Variants in ZFC3H1 observed in about 807,000 individuals in gnomAD.
ZFC3H1 encodes the protein zinc finger C3H1 domain-containing protein.
In ZFC3H1, 71 loss-of-function variants were observed where a neutral mutation model predicts 243.7. That is an observed-to-expected ratio of 0.29 (90% CI 0.24 to 0.36). The LOEUF is 0.36. Ranked by LOEUF, ZFC3H1 falls within the 10% of genes least tolerant of loss-of-function variation. The pLI is 1.00. For synonymous variants in ZFC3H1, 838 were observed against 813.0 expected (o/e 1.03, Z -0.52); for missense variants, 1,966 against 2,317.1 (o/e 0.85, Z 3.11).
At position 71,624,253 on chromosome 12, in the gene ZFC3H1, C is replaced by A. The variant is rs925670421; in HGVS notation, c.4357G>T (p.Val1453Leu). The A allele has an allele frequency of 6.2e-7, 1 of 1,613,238 alleles. No homozygotes were observed. The highest frequency in any genetic ancestry group is 8.5e-7 in the Non-Finnish European group (1 of 1,179,510). ...LESTFEEKDY[V>L]CERMLEFLMG... is the part of the protein sequence containing the mutation. ...AGAAACTCCAACATTCTCTCACATA[C>A]GTAATCCTTTTCTTCAAAGGTACTT... The change falls in exon 23 of 35, where the codon GTA becomes TTA. Residue 1453 changes from valine (V) to leucine (L), a missense_variant. This residue lies in a region of ZFC3H1 where 1,383 missense variants were observed against 1,723.7 expected (regional missense o/e 0.80). Coordinates refer to ENST00000378743, the MANE Select transcript of ZFC3H1 (RefSeq NM_144982.5).
At position 71,663,441 on chromosome 12, in the gene ZFC3H1, G is replaced by A. The variant is rs951435978; in HGVS notation, c.170C>T (p.Pro57Leu). The A allele has an allele frequency of 1.2e-6, 2 of 1,611,976 alleles. No homozygotes were observed. Among genetic ancestry groups the A allele is most frequent in the Admixed American group, 1.7e-5 (1 of 60,010 alleles). ...GGLLPYPRRR[P>L]PHSARGGGSG... is the part of the protein sequence containing the mutation. ...TCCACCGCCCCGGGCCGAGTGAGGA[G>A]GCCTTCGCCGCGGATAGGGTAACAG... Residue 57 changes from proline (P) to leucine (L), a missense_variant, in exon 1 of 35, where the codon CCT becomes CTT. Pro to Leu is a moderately conservative substitution (Grantham distance 98). Around this residue, in one of 4 missense-constraint regions of ZFC3H1, gnomAD observed 484 missense variants for 449.7 expected, o/e 1.08. Transcript: ENST00000378743.
In ZFC3H1 at chr12:71,630,623, T is replaced by C. The variant is rs201223009; in HGVS notation, c.3701A>G (p.Asn1234Ser). ...SLIGCAETSTNEEITASAEKY... is the reference protein window; with the variant it reads ...SLIGCAETSTSEEITASAEKY... ...ACCTGCTGAAGCAGTAATTTCTTCATTAGTACTTGTCTCTGCACAACCAAT... is the reference window on the plus strand; with the variant it reads ...ACCTGCTGAAGCAGTAATTTCTTCACTAGTACTTGTCTCTGCACAACCAAT... The change falls in exon 18 of 35, where the codon AAT becomes AGT. Residue 1234 changes from asparagine (N) to serine (S), a missense_variant. Physicochemically the swap from Asn to Ser is conservative, Grantham distance 46. Coordinates refer to ENST00000378743, the MANE Select transcript of ZFC3H1 (RefSeq NM_144982.5). 3 of 1,609,234 alleles carry C rather than the reference T, an allele frequency of 1.9e-6. No homozygotes were observed. Among genetic ancestry groups the C allele is most frequent in the South Asian group, 1.1e-5 (1 of 89,470 alleles).
At position 71,620,051 on chromosome 12, in the gene ZFC3H1, G is replaced by T; in HGVS notation, c.4924C>A (p.Leu1642Ile). 1.2e-6 allele frequency: 2 copies of T among 1,613,632 alleles called. No individual in the cohort carries two copies. Among genetic ancestry groups the T allele is most frequent in the Non-Finnish European group, 1.7e-6 (2 of 1,179,942 alleles). The part of the protein sequence containing the change: ...CPINCQLLEA[L>I]VALYLQTNQH... ...TTTGTTTGCAAATATAATGCAACAA[G>T]AGCTTCCAGCAACTGGCAGTTAATA... The change falls in exon 26 of 35, where the codon CTT becomes ATT. Residue 1642 changes from leucine to isoleucine, a missense_variant. By Grantham distance (5) the Leu-to-Ile change is conservative. Around this residue, in one of 4 missense-constraint regions of ZFC3H1, gnomAD observed 1,383 missense variants for 1,723.7 expected, o/e 0.80. Coordinates refer to ENST00000378743, the MANE Select transcript of ZFC3H1 (RefSeq NM_144982.5).
rs565472079 is a variant in ZFC3H1 at position 71,662,274 on chromosome 12, C to T, written c.598+739G>A. Among the ~76,000 whole-genome samples the T allele has an allele frequency of 5.3e-5, 8 of 152,250 alleles. No individual in the cohort carries two copies. The South Asian group carries it at 1.2e-3, about 24-fold the overall frequency. ...TTCTCAACTTACCCGTAATCTCCACCCTCGCATACACATTCCTCCACTCTA... is the reference window on the plus strand; with the variant it reads ...TTCTCAACTTACCCGTAATCTCCACTCTCGCATACACATTCCTCCACTCTA... On this transcript the variant is annotated intron_variant, in intron 1 of 34. Coordinates refer to ENST00000378743, the MANE Select transcript of ZFC3H1 (RefSeq NM_144982.5).
intron 2 of ZFC3H1, among the ~76,000 whole-genome samples, chr12:71,655,327 T>C (rs1880989799): frequency 6.6e-6 from 1 of 151,914 alleles, no homozygotes; most frequent in Non-Finnish European, 1.5e-5. Context: ...AAAATAAAAA[T>C]TAGAAAATAT....
chr12:71,663,222 C>T lies in ZFC3H1; in HGVS notation c.389G>A (p.Arg130Gln). ...PSSSLSESSP[R>Q]PSFWERSHLA... is the part of the protein sequence containing the mutation. ...GTGGCTCCGCTCCCAGAAAGACGGC[C>T]GGGGACTGCTTTCGGACAGTGAGCT... The change falls in exon 1 of 35, where the codon CGG becomes CAG. Residue 130 changes from arginine (R) to glutamine (Q), a missense_variant. Arg to Gln is a conservative substitution (Grantham distance 43). Coordinates refer to ENST00000378743, the MANE Select transcript of ZFC3H1 (RefSeq NM_144982.5). The T allele has an allele frequency of 6.2e-7, 1 of 1,614,010 alleles. No homozygotes were observed. The highest frequency in any genetic ancestry group is 8.5e-7 in the Non-Finnish European group (1 of 1,180,040).
chr12:71,634,426 C>T, intron 11 of ZFC3H1, 122 bp from the exon 12 acceptor site: 2 of 1,221,184 alleles, frequency 1.6e-6, no homozygotes, highest in Admixed American at 2.8e-5. Context: ...AAGATGATGA[C>T]CAATATGCAA....
rs750373838 is a variant in ZFC3H1 at position 71,663,497 on chromosome 12, A to T, written c.114T>A (p.Ser38Arg). 3.7e-6 allele frequency: 6 copies of T among 1,612,910 alleles called. No homozygotes were observed. The highest frequency in any genetic ancestry group is 5.1e-6 in the Non-Finnish European group (6 of 1,179,944). Residue 38 changes from serine to arginine, a missense_variant, in exon 1 of 35, where the codon AGT becomes AGA. Coordinates refer to ENST00000378743, the MANE Select transcript of ZFC3H1 (RefSeq NM_144982.5). ...CGCCGCTGCTGCTGCTGCTGCTCCGACTCCGTATCTGGCTGTTATTATCGT... is the reference window on the plus strand; with the variant it reads ...CGCCGCTGCTGCTGCTGCTGCTCCGTCTCCGTATCTGGCTGTTATTATCGT... ...SDDDNNSQIR[S>R]RSSSSSSGGG... is the part of the protein sequence containing the mutation.
chr12:71,629,591 A>ACACACACACT lies in ZFC3H1; in HGVS notation c.3826+17_3826+18insAGTGTGTGTG. ...CACACACACACACACACACACACAC[A>ACACACACACT]CTTATATATGTACTTACTATGACCT... On this transcript the variant is annotated intron_variant, in intron 19 of 34. Coordinates refer to ENST00000378743, the MANE Select transcript of ZFC3H1 (RefSeq NM_144982.5). 1 of 1,481,522 alleles carries ACACACACACT rather than the reference A, an allele frequency of 6.7e-7. No homozygotes were observed. The allele number at this position is 1,481,522 out of a possible 1,614,324, so 91.8% of individuals were successfully genotyped here.
chr12:71,661,602 C>T (rs1881179161), intron 1 of ZFC3H1, among the ~76,000 whole-genome samples: 1 of 151,644 alleles, frequency 6.6e-6, no homozygotes, highest in South Asian at 2.1e-4. Flanking sequence ...CTGCCTCAGC[C>T]TCCCGGGTAG....
chr12:71,642,234 A>ATT (rs1880618421), intron 6 of ZFC3H1, among the ~76,000 whole-genome samples: 5 of 152,356 alleles, frequency 3.3e-5, no homozygotes, highest in African/African-American at 1.2e-4. Flanking sequence ...GCTATCTAGA[A>ATT]ACACTCGGAA....
rs1592593920 is a variant in ZFC3H1 at position 71,635,482 on chromosome 12, T to C, written c.2199A>G (p.Gly733=). The C allele has an allele frequency of 1.3e-6, 2 of 1,576,860 alleles. No homozygotes were observed. The highest frequency in any genetic ancestry group is 1.7e-6 in the Non-Finnish European group (2 of 1,167,180). Residue 733 remains glycine, a synonymous_variant, in exon 10 of 35, where the codon GGA becomes GGG. Transcript: ENST00000378743. The part of the protein sequence containing the change: ...ASKSTNSVFG[G]LESMIKEARR... ...TTGCTTCTTTAATCATGGACTCTAATCCACCAAAAACACTATTTGTTGACT... is the reference window on the plus strand; with the variant it reads ...TTGCTTCTTTAATCATGGACTCTAACCCACCAAAAACACTATTTGTTGACT...
intron 24 of ZFC3H1, among the ~76,000 whole-genome samples, chr12:71,622,099 C>T (rs1317419935): frequency 6.6e-6 from 1 of 152,202 alleles, no homozygotes; most frequent in African/African-American, 2.4e-5. Flanking sequence ...TATCCCTTTT[C>T]CCAATCTCAC....
At chr12:71,651,888 T>C (rs1233278852) in intron 2 of ZFC3H1, among the ~76,000 whole-genome samples, 1 of 151,976 alleles carries the variant, frequency 6.6e-6, no homozygotes, top group Non-Finnish European at 1.5e-5. Context: ...GGAGAACAAG[T>C]TAAAACAAAA....
In ZFC3H1 at chr12:71,629,566, C is replaced by CACACACAA. The variant is rs774386431; in HGVS notation, c.3826+42_3826+43insTTGTGTGT. 3 of 1,102,670 alleles carry CACACACAA rather than the reference C, an allele frequency of 2.7e-6. No homozygotes were observed. In the South Asian group the frequency reaches 3.8e-5, roughly 14 times the overall value. 68.3% of individuals were successfully genotyped at this position (1,102,670 alleles called of 1,614,324 possible). A position where few individuals can be genotyped will look rare whatever the true frequency, so the allele number is the denominator to read the frequency against. Reference sequence around the variant, plus strand: ...CAGAAAGAGATACAGTACACACACACACACACACACACACACACACACACA... The same window carrying CACACACAA: ...CAGAAAGAGATACAGTACACACACACACACACAAACACACACACACACACACACACACA... On this transcript the variant is annotated intron_variant, in intron 19 of 34. Transcript: ENST00000378743.
rs1379890136 is a variant in ZFC3H1, at chr12:71,631,654, G to A, written c.3470+124C>T. On this transcript the variant is annotated intron_variant, in intron 16 of 34. Coordinates refer to ENST00000378743, the MANE Select transcript of ZFC3H1 (RefSeq NM_144982.5). ...CTTAATTTTTATGTTCCTTAAAAGG[G>A]TAAGTCTGGTTATCAATAGCAATGA... The A allele has an allele frequency of 1.1e-5, 9 of 802,340 alleles. No homozygotes were observed. In the African/African-American group the frequency reaches 1.2e-4, roughly 11 times the overall value. 49.7% of individuals were successfully genotyped at this position (802,340 alleles called of 1,614,324 possible). A position where few individuals can be genotyped will look rare whatever the true frequency, so the allele number is the denominator to read the frequency against.
intron 27 of ZFC3H1, 150 bp downstream of exon 27, chr12:71,619,165 T>C: frequency 1.6e-6 from 1 of 606,278 alleles, no homozygotes; most frequent in Admixed American, 3.5e-5. Flanking sequence ...TTTATTGTTC[T>C]ATTTATTCTG....
Position 71,644,311 on chromosome 12 carries a change from T to C in ZFC3H1, c.1287A>G (p.Gln429=), listed in dbSNP as rs1880673739. The C allele has an allele frequency of 1.9e-6, 3 of 1,611,768 alleles. No individual in the cohort carries two copies. The highest frequency in any genetic ancestry group is 4.5e-5 in the East Asian group (2 of 44,804). The change falls in exon 5 of 35, where the codon CAA becomes CAG. Residue 429 remains glutamine (Q), a synonymous_variant. Coordinates refer to ENST00000378743, the MANE Select transcript of ZFC3H1 (RefSeq NM_144982.5). Reference sequence around the variant, plus strand: ...CCTTTGTTTGCTGCTTCCTCAATGCTTGTTTAGCTTTAAATAAAAAACACA... The same window carrying C: ...CCTTTGTTTGCTGCTTCCTCAATGCCTGTTTAGCTTTAAATAAAAAACACA... ...SAKKVSTTAK[Q]ALRKQQTKAW...
rs749850359 is a variant in ZFC3H1, at chr12:71,635,592, A to G, written c.2101-12T>C. 6.6e-7 allele frequency: 1 copy of G among 1,525,662 alleles called. No homozygotes were observed. 94.5% of individuals were successfully genotyped at this position (1,525,662 alleles called of 1,614,324 possible). Reference sequence around the variant, plus strand: ...TTATGCTTTGGAAGCTGCAAAGACAATATATTTATTACTCGTGATAACAAA... The same window carrying G: ...TTATGCTTTGGAAGCTGCAAAGACAGTATATTTATTACTCGTGATAACAAA... On this transcript the variant is annotated splice_polypyrimidine_tract_variant and intron_variant, in intron 9 of 34. Coordinates refer to ENST00000378743, the MANE Select transcript of ZFC3H1 (RefSeq NM_144982.5).
Sources: gnomAD v4.1 joint callset for allele counts (sites outside exome capture counted in the v4.1 genomes callset) on GRCh38, gnomAD v4.1.1 for gene constraint, gnomAD v4.1.1 regional missense constraint, MANE v1.5 for transcripts, NCBI Gene and HGNC (gene_info 2026-07-23, HGNC 2026-07-21) for gene names.